The following C5orf34 variants were observed in gnomAD, a reference collection of about 807,000 sequenced individuals.
C5orf34 encodes the protein chromosome 5 open reading frame 34, also known as uncharacterized protein C5orf34.
A neutral mutation model predicts 78.4 loss-of-function variants in C5orf34; 73 were observed. The ratio of observed to expected loss-of-function variants is 0.93; its 90% CI spans 0.77 to 1.13. C5orf34 has a LOEUF of 1.13. Among genes scored for constraint, C5orf34 ranks in the 50% most tolerant of loss-of-function variants. The probability of loss-of-function intolerance (pLI) is 0.00; values close to 1 mark genes in which losing one functional copy is unlikely to be tolerated. For synonymous variants in C5orf34, 251 were observed against 246.6 expected (o/e 1.02, Z -0.17); for missense variants, 730 against 732.7 (o/e 1.00, Z 0.04).
intron 6 of C5orf34, chr5:43,495,648 C>T: frequency 1.9e-6 from 3 of 1,587,084 alleles, no homozygotes; most frequent in South Asian, 1.1e-5. Context: ...GGTTTGAGAA[C>T]ACCAGTCTCC....
At chr5:43,487,179 G>C in intron 12 of C5orf34, 68 bp from the exon 13 acceptor site, 2 of 700,076 alleles carry the variant, frequency 2.9e-6, no homozygotes, top group South Asian at 6.5e-5. Flanking sequence ...TATACAGAAA[G>C]CATAGGCTTC....
At chr5:43,488,192 A>G in intron 11 of C5orf34, 1 of 497,304 alleles carries the variant, frequency 2.0e-6, no homozygotes, top group Non-Finnish European at 3.6e-6. Context: ...AGGAATTTGT[A>G]ATCAAATATT....
At chr5:43,506,820 A>T (rs1025735652) in intron 3 of C5orf34, among the ~76,000 whole-genome samples, 32 of 152,066 alleles carry the variant, frequency 2.1e-4, no homozygotes, top group Non-Finnish European at 3.5e-4. Flanking sequence ...TAAGTTTTAA[A>T]TAAAAAAAAA....
rs1304604419 is a variant in C5orf34, at chr5:43,487,965, G to GA, written c.1680-17dup. Reference sequence around the variant, plus strand: ...AGCAACAGACCTGTCCAAGGAAAAAGAAAAAATTCATTCAGTTGTCTGATT... The same window carrying GA: ...AGCAACAGACCTGTCCAAGGAAAAAGAAAAAAATTCATTCAGTTGTCTGATT... On this transcript the variant is annotated splice_polypyrimidine_tract_variant and intron_variant, in intron 11 of 12. Coordinates refer to ENST00000306862, the MANE Select transcript of C5orf34 (RefSeq NM_198566.4). 1.3e-6 allele frequency: 2 copies of GA among 1,592,888 alleles called. No homozygotes were observed. Among genetic ancestry groups the GA allele is most frequent in the South Asian group, 1.1e-5 (1 of 88,744 alleles).
In C5orf34 at chr5:43,505,940, C is replaced by CA; in HGVS notation, c.739dup (p.Cys247LeufsTer17). ...CAAAGGATATTTCCATTCCTCTGGA[C>CA]AGGCAGCCACAGACCAGCACTGCTT... On this transcript the variant is annotated frameshift_variant, in exon 4 of 13. Coordinates refer to ENST00000306862, the MANE Select transcript of C5orf34 (RefSeq NM_198566.4). LOFTEE classifies it high-confidence loss of function. 1 of 1,614,182 alleles carries CA rather than the reference C, an allele frequency of 6.2e-7. No homozygotes were observed.
chr5:43,494,485 A>T (rs1561208626), intron 7 of C5orf34, 25 bp downstream of exon 7: 1 of 1,465,256 alleles, frequency 6.8e-7, no homozygotes, highest in Non-Finnish European at 9.5e-7. Context: ...ATAACATTTG[A>T]TTCAATTGAA....
chr5:43,492,972 ATTT>A (rs1745348451), intron 8 of C5orf34, 82 bp from the exon 9 acceptor site: 1 of 894,282 alleles, frequency 1.1e-6, no homozygotes, highest in Non-Finnish European at 1.7e-6. Context: ...CTCTAGGGCA[ATTT>A]TGGATACTTA....
chr5:43,505,717 G>T, intron 4 of C5orf34, 31 bp downstream of exon 4: 1 of 1,504,058 alleles, frequency 6.6e-7, no homozygotes, highest in African/African-American at 1.4e-5. Context: ...CTGATAAAAA[G>T]CTTCATGACC....
At position 43,506,093 on chromosome 5, in the gene C5orf34, T is replaced by G. The variant is rs774302299; in HGVS notation, c.587A>C (p.Asn196Thr). Residue 196 changes from asparagine to threonine, a missense_variant, in exon 4 of 13, where the codon AAT (asparagine) becomes ACT (threonine). Asn to Thr is a moderately conservative substitution (Grantham distance 65). Coordinates refer to ENST00000306862, the MANE Select transcript of C5orf34 (RefSeq NM_198566.4). Reference sequence around the variant, plus strand: ...TTTCATGATCTGGCAATGAAACTCATTTTCTTTATTCTTCAGTCTCTGTCC... The same window carrying G: ...TTTCATGATCTGGCAATGAAACTCAGTTTCTTTATTCTTCAGTCTCTGTCC... Reference protein sequence around the residue: ...LPGQRLKNKENEFHCQIMKSK... With the variant: ...LPGQRLKNKETEFHCQIMKSK... 11 of 1,614,214 alleles carry G rather than the reference T, an allele frequency of 6.8e-6. No individual in the cohort carries two copies. In the South Asian group the frequency reaches 8.8e-5, roughly 13 times the overall value.
chr5:43,514,109 C>T (rs1487421175), intron 1 of C5orf34: 3 of 152,194 alleles, frequency 2.0e-5, no homozygotes, highest in Admixed American at 6.5e-5. Context: ...TAAAACTTGA[C>T]TTTCCACTCC....
intron 8 of C5orf34, among the ~76,000 whole-genome samples, chr5:43,493,231 C>T (rs557229487): frequency 7.3e-5 from 11 of 150,210 alleles, no homozygotes; most frequent in East Asian, 4.0e-4. Flanking sequence ...TTTATTTTTA[C>T]GGTTATGAAA....
intron 10 of C5orf34, among the ~76,000 whole-genome samples, chr5:43,491,548 T>C (rs572209263): frequency 1.3e-5 from 2 of 148,716 alleles, no homozygotes; most frequent in South Asian, 2.1e-4. Context: ...TATAGAAATA[T>C]ACAGAATTTC....
chr5:43,498,994 C>T (rs1024969188), intron 6 of C5orf34, among the ~76,000 whole-genome samples: 2 of 152,196 alleles, frequency 1.3e-5, no homozygotes, highest in African/African-American at 4.8e-5. Context: ...CATTTATAAA[C>T]TGTGCTAAGA....
chr5:43,489,943 C>A (rs1343804958), intron 11 of C5orf34, among the ~76,000 whole-genome samples: 1 of 152,066 alleles, frequency 6.6e-6, no homozygotes, highest in Non-Finnish European at 1.5e-5. Flanking sequence ...CTTTCTAATT[C>A]CATCAGGTCT....
At chr5:43,511,995 C>T (rs1746280513) in intron 1 of C5orf34, among the ~76,000 whole-genome samples, 1 of 150,878 alleles carries the variant, frequency 6.6e-6, no homozygotes, top group Non-Finnish European at 1.5e-5. Flanking sequence ...GCCAAATCCC[C>T]CTCTGTGAGA....
At position 43,494,578 on chromosome 5, in the gene C5orf34, T is replaced by C. The variant is rs1000022642; in HGVS notation, c.1176A>G (p.Val392=). 1.9e-6 allele frequency: 3 copies of C among 1,602,064 alleles called. No homozygotes were observed. The highest frequency in any genetic ancestry group is 2.6e-6 in the Non-Finnish European group (3 of 1,172,368). The change falls in exon 7 of 13, where the codon GTA becomes GTG. Residue 392 remains valine (V), a synonymous_variant. Coordinates refer to ENST00000306862, the MANE Select transcript of C5orf34 (RefSeq NM_198566.4). ...SGKREEKTYS[V]NNLPPDRPGS... ...CCGGTCTATCTGGAGGAAGGTTATT[T>C]ACTGAGTAAGTTTTCTCTTCTCTCT...
At chr5:43,490,570 AT>A in intron 11 of C5orf34, 60 bp downstream of exon 11, 1 of 1,107,606 alleles carries the variant, frequency 9.0e-7, no homozygotes, top group Non-Finnish European at 1.3e-6. Context: ...ACCATTTGAC[AT>A]TTTAATTTTT....
At position 43,502,350 on chromosome 5, in the gene C5orf34, G is replaced by A. The variant is rs763272011; in HGVS notation, c.1152+22C>T. On this transcript the variant is annotated intron_variant, in intron 6 of 12. Transcript: ENST00000306862. ...AGCTATACAGCAAAACTCTTCTTGA[G>A]TTGAGTTCATTGTTGGCTTACCTTT... The A allele has an allele frequency of 3.7e-6, 6 of 1,609,838 alleles. No homozygotes were observed. The African/African-American group carries it at 4.0e-5, about 11-fold the overall frequency.
chr5:43,508,541 A>G, intron 3 of C5orf34, 36 bp downstream of exon 3: 1 of 1,255,794 alleles, frequency 8.0e-7, no homozygotes. Flanking sequence ...ACTTGTCCTC[A>G]AATAATACTA....
Sources: allele counts gnomAD v4.1 joint callset (sites outside exome capture counted in the v4.1 genomes callset), GRCh38; gene constraint gnomAD v4.1.1; transcripts MANE v1.5; gene names NCBI Gene and HGNC (gene_info 2026-07-23, HGNC 2026-07-21).